The following ZPBP variants were observed in gnomAD, a reference collection of about 807,000 sequenced individuals.
ZPBP encodes the protein zona pellucida binding protein.
Under a neutral mutation model 44.8 loss-of-function variants are expected in ZPBP, and 26 were observed. The observed-to-expected ratio is 0.58, with a 90% CI of 0.43 to 0.81. The LOEUF (loss-of-function observed/expected upper bound fraction) is 0.81, where lower values mean the gene tolerates loss of function less well. ZPBP is among the 30% of genes least tolerant of loss of function. The probability of loss-of-function intolerance (pLI) is 0.00; values close to 1 mark genes in which losing one functional copy is unlikely to be tolerated. For synonymous variants in ZPBP, 174 were observed against 153.2 expected (o/e 1.14, Z -1.00); for missense variants, 409 against 434.0 (o/e 0.94, Z 0.51).
chr7:50,063,301 T>C (rs915400435), intron 3 of ZPBP, among the ~76,000 whole-genome samples: 8 of 152,234 alleles, frequency 5.3e-5, no homozygotes, highest in Admixed American at 2.0e-4. Context: ...TGCTTATACA[T>C]TTTTTAATTT....
intron 6 of ZPBP, among the ~76,000 whole-genome samples, chr7:50,012,543 A>G (rs185925232): frequency 6.6e-6 from 1 of 151,966 alleles, no homozygotes; most frequent in East Asian, 1.9e-4. Flanking sequence ...ATTAACAAAT[A>G]TAATGCAGAT....
chr7:49,978,216 C>T (rs1583958973), intron 7 of ZPBP, among the ~76,000 whole-genome samples: 8 of 150,846 alleles, frequency 5.3e-5, no homozygotes, highest in Admixed American at 4.0e-4. Context: ...TTAAAAACAA[C>T]GTAATATTAG....
intron 2 of ZPBP, among the ~76,000 whole-genome samples, chr7:50,083,718 C>T (rs892357380): frequency 4.0e-5 from 6 of 151,626 alleles, no homozygotes; most frequent in Middle Eastern, 3.2e-3. Context: ...AGACAAGGTA[C>T]CTAAAATCAC....
intron 7 of ZPBP, among the ~76,000 whole-genome samples, chr7:49,959,844 A>C (rs1795777790): frequency 6.6e-6 from 1 of 152,238 alleles, no homozygotes; most frequent in Non-Finnish European, 1.5e-5. Context: ...TTCAATAGTT[A>C]CTATAAAGCT....
chr7:50,024,435 A>T lies in ZPBP; in HGVS notation c.707-6119T>A, dbSNP rs548847154. On this transcript the variant is annotated intron_variant, in intron 5 of 7. Coordinates refer to ENST00000046087, the MANE Select transcript of ZPBP (RefSeq NM_007009.3). ...TGTTCAATCATGGATGACTGGATAGATATAAATAAATATATAAATAATGCA... is the reference window on the plus strand; with the variant it reads ...TGTTCAATCATGGATGACTGGATAGTTATAAATAAATATATAAATAATGCA... Among the ~76,000 whole-genome samples, 66 of 139,394 alleles carry T rather than the reference A, an allele frequency of 4.7e-4. 1 individual carries two copies. In the South Asian group the frequency reaches 0.011, roughly 23 times the overall value. The allele number at this position is 139,394 out of a possible 152,430, so 91.4% of individuals were successfully genotyped here.
intron 3 of ZPBP, among the ~76,000 whole-genome samples, chr7:50,061,911 TAACA>T (rs1375920537): frequency 1.3e-5 from 2 of 151,994 alleles, no homozygotes; most frequent in African/African-American, 2.4e-5. Flanking sequence ...CGAAGCAAAC[TAACA>T]AACAAAAAAA....
intron 7 of ZPBP, among the ~76,000 whole-genome samples, chr7:49,944,869 T>C (rs569071472): frequency 6.6e-6 from 1 of 151,860 alleles, no homozygotes; most frequent in South Asian, 2.1e-4. Flanking sequence ...TCTGCTCTGA[T>C]CTTTATTCCT....
At chr7:49,944,028 TTCAG>T (rs1411036174) in intron 7 of ZPBP, 2 of 260,250 alleles carry the variant, frequency 7.7e-6, no homozygotes, top group African/African-American at 4.7e-5. Context: ...TTTTAAAACT[TTCAG>T]TATCAGGAAC....
intron 7 of ZPBP, among the ~76,000 whole-genome samples, chr7:49,973,635 A>C (rs563264534): frequency 1.3e-5 from 2 of 152,234 alleles, no homozygotes; most frequent in African/African-American, 2.4e-5. Flanking sequence ...CAAGTCCACA[A>C]TGAGGAACAC....
chr7:49,999,893 A>AT (rs1207754003), intron 6 of ZPBP, among the ~76,000 whole-genome samples: 1 of 152,200 alleles, frequency 6.6e-6, no homozygotes, highest in African/African-American at 2.4e-5. Context: ...AAGTTGACAC[A>AT]TAAAAACCAC....
chr7:49,904,341 A>G (rs1335740444), intron 1 of ZPBP, among the ~76,000 whole-genome samples: 2 of 152,304 alleles, frequency 1.3e-5, no homozygotes, highest in East Asian at 1.9e-4. Context: ...TAACTTTGGG[A>G]AAAAAACTGA....
intron 2 of ZPBP, 76 bp downstream of exon 2, chr7:50,089,553 C>G (rs1306562659): frequency 2.7e-6 from 3 of 1,092,156 alleles, no homozygotes; most frequent in Non-Finnish European, 4.1e-6. Flanking sequence ...AGAGCATTAG[C>G]CTTTTGGAGA....
intron 7 of ZPBP, among the ~76,000 whole-genome samples, chr7:49,977,479 G>A (rs1353050168): frequency 6.6e-6 from 1 of 151,988 alleles, no homozygotes; most frequent in African/African-American, 2.4e-5. Flanking sequence ...TAAACAATTT[G>A]CTTTTCCTGC....
chr7:49,986,606 G>C (rs886736083), intron 6 of ZPBP, among the ~76,000 whole-genome samples: 3 of 152,120 alleles, frequency 2.0e-5, no homozygotes, highest in African/African-American at 7.2e-5. Context: ...TCTTCCCTCA[G>C]TTAACACAGC....
At chr7:49,885,385 C>A (rs1033642570) in intron 2 of ZPBP, among the ~76,000 whole-genome samples, 1 of 151,898 alleles carries the variant, frequency 6.6e-6, no homozygotes, top group African/African-American at 2.4e-5. Context: ...TAAATATATA[C>A]AATTATGTTC....
intron 5 of ZPBP, among the ~76,000 whole-genome samples, chr7:50,025,486 T>C (rs1445592082): frequency 2.6e-5 from 4 of 151,808 alleles, no homozygotes. Flanking sequence ...CCCATGTTAA[T>C]ATATTCAACT....
intron 3 of ZPBP, among the ~76,000 whole-genome samples, chr7:50,076,201 A>G (rs1802070185): frequency 6.6e-6 from 1 of 151,920 alleles, no homozygotes; most frequent in Non-Finnish European, 1.5e-5. Context: ...CTGAAAAAGC[A>G]TTTGATAAAA....
chr7:50,053,876 TTTTTC>T (rs1182844022), intron 4 of ZPBP, among the ~76,000 whole-genome samples: 1 of 152,106 alleles, frequency 6.6e-6, no homozygotes, highest in Non-Finnish European at 1.5e-5. Context: ...TAGGAAACAA[TTTTTC>T]TTTTCTTTTC....
At chr7:50,083,709 G>T (rs2128853577) in intron 2 of ZPBP, among the ~76,000 whole-genome samples, 1 of 151,966 alleles carries the variant, frequency 6.6e-6, no homozygotes, top group South Asian at 2.1e-4. Context: ...ATATGTGGTA[G>T]ACAAGGTACC....
Sources: gnomAD v4.1 joint callset for allele counts (sites outside exome capture counted in the v4.1 genomes callset) on GRCh38, gnomAD v4.1.1 for gene constraint, MANE v1.5 for transcripts, NCBI Gene and HGNC (gene_info 2026-07-23, HGNC 2026-07-21) for gene names.